Variants in GRIA3 observed in about 807,000 individuals in gnomAD.
The protein encoded by GRIA3 is glutamate receptor 3.
A neutral mutation model predicts 63.0 loss-of-function variants in GRIA3; 3 were observed. That is an observed-to-expected ratio of 0.05 (90% CI 0.02 to 0.12). The LOEUF (loss-of-function observed/expected upper bound fraction) is 0.12. Ranked by LOEUF, GRIA3 falls within the 10% of genes least tolerant of loss-of-function variation. GRIA3 has a pLI of 1.00. For synonymous variants in GRIA3, 274 were observed against 257.9 expected, an observed-to-expected ratio of 1.06 and a Z score of -0.60; for missense variants, 347 against 700.9, an observed-to-expected ratio of 0.50 and a Z score of 5.70.
intron 12 of GRIA3, among the ~76,000 whole-genome samples, chrX:123,464,590 T>C (rs926511602): frequency 9.0e-6 from 1 of 111,383 alleles, no homozygotes; most frequent in African/African-American, 3.3e-5. Flanking sequence ...AGTGGGGCCA[T>C]GAAATCCATT....
At chrX:123,339,526 G>C (rs1465986269) in intron 4 of GRIA3, among the ~76,000 whole-genome samples, 1 of 112,155 alleles carries the variant, frequency 8.9e-6, no homozygotes, top group African/African-American at 3.2e-5. Context: ...TCATAGTCTA[G>C]TGTGATAAGA....
chrX:123,260,528 G>GAAAGAAAGAAAC, intron 3 of GRIA3, among the ~76,000 whole-genome samples: 1 of 54,338 alleles, frequency 1.8e-5, no homozygotes, highest in African/African-American at 6.6e-5. Flanking sequence ...AAGAAAGAAA[G>GAAAGAAAGAAAC]GAAAGAAAGA....
intron 2 of GRIA3, among the ~76,000 whole-genome samples, chrX:123,228,328 TA>T (rs2044258368): frequency 9.0e-6 from 1 of 111,398 alleles, no homozygotes; most frequent in South Asian, 3.8e-4. Flanking sequence ...GACATTATAG[TA>T]AATTGTATTA....
intron 3 of GRIA3, among the ~76,000 whole-genome samples, chrX:123,316,922 T>C (rs1389521633): frequency 8.9e-6 from 1 of 111,780 alleles, no homozygotes; most frequent in African/African-American, 3.3e-5. Context: ...TGTGCTACAG[T>C]TGCCTACTGT....
intron 3 of GRIA3, among the ~76,000 whole-genome samples, chrX:123,318,099 C>A (rs1569419133): frequency 8.9e-6 from 1 of 112,647 alleles, no homozygotes; most frequent in African/African-American, 3.2e-5. Context: ...ACGTTGGCCC[C>A]TTTCAGCCAT....
Position 123,265,927 on chromosome X carries a change from T to C in GRIA3, c.508+12385T>C, listed in dbSNP as rs1053394928. On this transcript the variant is annotated intron_variant, in intron 3 of 15. Transcript: ENST00000620443. Reference sequence around the variant, plus strand: ...AGATCTTAAAACCCTTCCTGGTAGATCTCCAAGCCAGGGGCTGACACAACA... The same window carrying C: ...AGATCTTAAAACCCTTCCTGGTAGACCTCCAAGCCAGGGGCTGACACAACA... Among the ~76,000 whole-genome samples, 4 of 111,400 alleles carry C rather than the reference T, an allele frequency of 3.6e-5. No individual in the cohort carries two copies. The South Asian group carries it at 1.5e-3, about 42-fold the overall frequency.
chrX:123,325,474 A>G (rs935828107), intron 3 of GRIA3, among the ~76,000 whole-genome samples: 8 of 112,192 alleles, frequency 7.1e-5, no homozygotes, highest in Middle Eastern at 4.6e-3. Context: ...TAATGTGGTG[A>G]TCAAGAGCTC....
chrX:123,371,499 C>A (rs1480043009), intron 5 of GRIA3, among the ~76,000 whole-genome samples: 1 of 110,789 alleles, frequency 9.0e-6, no homozygotes, highest in Non-Finnish European at 1.9e-5. Context: ...ACATTCCCAC[C>A]AACAGTATAT....
intron 6 of GRIA3, among the ~76,000 whole-genome samples, chrX:123,396,154 C>T (rs1308259699): frequency 9.6e-6 from 1 of 104,623 alleles, no homozygotes. Flanking sequence ...TGCAGTGAGC[C>T]GAGATCATGC....
chrX:123,479,240 T>C (rs1292460985), intron 13 of GRIA3, among the ~76,000 whole-genome samples: 2 of 112,654 alleles, frequency 1.8e-5, no homozygotes, highest in Non-Finnish European at 3.8e-5. Context: ...GCCATATTAA[T>C]AATCCATTTT....
intron 3 of GRIA3, among the ~76,000 whole-genome samples, chrX:123,305,448 T>C (rs1357819459): frequency 2.7e-5 from 3 of 112,588 alleles, no homozygotes; most frequent in Non-Finnish European, 5.6e-5. Flanking sequence ...ATAGATTTTC[T>C]ACACATACCC....
chrX:123,332,897 T>C (rs1195658025), intron 4 of GRIA3, among the ~76,000 whole-genome samples: 1 of 111,665 alleles, frequency 9.0e-6, no homozygotes, highest in Non-Finnish European at 1.9e-5. Context: ...AAAGTTCTTC[T>C]AGAGACTTGC....
chrX:123,437,460 A>C (rs1162722544), intron 12 of GRIA3, among the ~76,000 whole-genome samples: 1 of 110,840 alleles, frequency 9.0e-6, no homozygotes, highest in Non-Finnish European at 1.9e-5. Flanking sequence ...TTAGAGACTT[A>C]AATGATAAGA....
At position 123,253,465 on chromosome X, in the gene GRIA3, C is replaced by T; in HGVS notation, c.431C>T (p.Ala144Val). 8.3e-7 allele frequency: 1 copy of T among 1,207,476 alleles called. No homozygotes were observed. Among genetic ancestry groups the T allele is most frequent in the East Asian group, 3.0e-5 (1 of 33,790 alleles). ...CAGTTTGTCATCCAGATGCGCCCAG[C>T]CTTGAAGGGCGCTATTCTGAGTCTT... ...DVQFVIQMRPALKGAILSLLG... is the reference protein window; with the variant it reads ...DVQFVIQMRPVLKGAILSLLG... The change falls in exon 3 of 16, where the codon GCC becomes GTC. Residue 144 changes from alanine (A) to valine (V), a missense_variant. Coordinates refer to ENST00000620443, the MANE Select transcript of GRIA3 (RefSeq NM_007325.5).
At chrX:123,286,842 G>A (rs1306563610) in intron 3 of GRIA3, among the ~76,000 whole-genome samples, 1 of 111,835 alleles carries the variant, frequency 8.9e-6, no homozygotes, top group Non-Finnish European at 1.9e-5. Context: ...GATACAAAGA[G>A]GAGCTGGTAC....
chrX:123,355,304 G>A (rs2045125472), intron 5 of GRIA3, among the ~76,000 whole-genome samples: 1 of 112,345 alleles, frequency 8.9e-6, no homozygotes, highest in African/African-American at 3.2e-5. Flanking sequence ...TTTCCCAATT[G>A]ATTCAAGTAT....
chrX:123,294,395 T>C (rs896666617), intron 3 of GRIA3, among the ~76,000 whole-genome samples: 1 of 111,470 alleles, frequency 9.0e-6, no homozygotes, highest in African/African-American at 3.3e-5. Context: ...GGCCACTTCA[T>C]TCCAACTGTT....
At chrX:123,403,150 C>A in intron 8 of GRIA3, 52 bp downstream of exon 8, 1 of 685,661 alleles carries the variant, frequency 1.5e-6, no homozygotes, top group Non-Finnish European at 2.4e-6. Context: ...AAGAGGACAG[C>A]ATTTGGATGT....
At position 123,413,286 on chromosome X, in the gene GRIA3, ATTTCTTT is replaced by A. The variant is rs1464648385; in HGVS notation, c.1501-4110_1501-4104del. On this transcript the variant is annotated intron_variant, in intron 10 of 15. Coordinates refer to ENST00000620443, the MANE Select transcript of GRIA3 (RefSeq NM_007325.5). ...AATTTTCTCATGTGAATGCCTTCTT[ATTTCTTT>A]TTTCTAAAACAAACAAGTAACAATT... Among the ~76,000 whole-genome samples the A allele has an allele frequency of 1.3e-4, 14 of 110,468 alleles. No homozygotes were observed. The East Asian group carries it at 4.0e-3, about 31-fold the overall frequency.
Sources: allele counts gnomAD v4.1 joint callset (sites outside exome capture counted in the v4.1 genomes callset), GRCh38; gene constraint gnomAD v4.1.1; transcripts MANE v1.5; gene names NCBI Gene and HGNC (gene_info 2026-07-23, HGNC 2026-07-21).